Variants in EPB41L1 observed in about 807,000 individuals in gnomAD.
EPB41L1 encodes erythrocyte membrane protein band 4.1 like 1, also known as band 4.1-like protein 1.
A neutral mutation model predicts 97.8 loss-of-function variants in EPB41L1; 29 were observed. The ratio of observed to expected loss-of-function variants is 0.30; its 90% CI spans 0.22 to 0.40. EPB41L1 has a LOEUF of 0.40. Among genes scored for constraint, EPB41L1 ranks in the 10% least tolerant of loss-of-function variants. The probability of loss-of-function intolerance (pLI) is 1.00; values close to 1 mark genes in which losing one functional copy is unlikely to be tolerated. For synonymous variants in EPB41L1, 383 were observed against 459.2 expected (o/e 0.83, Z 2.12); for missense variants, 812 against 1,162.3 (o/e 0.70, Z 4.38).
chr20:36,180,125 C>T (rs1038670987), intron 5 of EPB41L1, among the ~76,000 whole-genome samples: 13 of 152,200 alleles, frequency 8.5e-5, no homozygotes, highest in African/African-American at 2.9e-4. Flanking sequence ...TGTAGCCATC[C>T]CAAGTCATCG....
At chr20:36,222,502 C>T (rs2147105543) in intron 21 of EPB41L1, 108 bp downstream of exon 21, 1 of 847,722 alleles carries the variant, frequency 1.2e-6, no homozygotes, top group South Asian at 1.4e-5. Flanking sequence ...CCTAGTGCAG[C>T]TTTGACCCTC....
chr20:36,148,752 G>A (rs2059932033), intron 2 of EPB41L1: 1 of 152,354 alleles, frequency 6.6e-6, no homozygotes, highest in South Asian at 2.1e-4. Flanking sequence ...ATGTACAGGG[G>A]GCTTGGCTGT....
At chr20:36,139,028 T>A (rs1367002075) in intron 2 of EPB41L1, among the ~76,000 whole-genome samples, 1 of 152,258 alleles carries the variant, frequency 6.6e-6, no homozygotes, top group East Asian at 1.9e-4. Context: ...ATCATGGTCC[T>A]CTGGATTTAT....
chr20:36,232,595 T>C lies in EPB41L1; in HGVS notation c.*3255T>C. On this transcript the variant is annotated 3_prime_UTR_variant, in exon 22 of 22. Coordinates refer to ENST00000338074, the MANE Select transcript of EPB41L1 (RefSeq NM_012156.2). ...ATTCCAAGACTGGCCTGAAACTGCA[T>C]GAGCAACATCACTCGAAATAATTTT... The C allele has an allele frequency of 2.5e-6, 1 of 399,078 alleles. No individual in the cohort carries two copies. Among genetic ancestry groups the C allele is most frequent in the Non-Finnish European group, 4.4e-6 (1 of 226,092 alleles). 24.7% of individuals were successfully genotyped at this position (399,078 alleles called of 1,614,324 possible). A position where few individuals can be genotyped will look rare whatever the true frequency, so the allele number is the denominator to read the frequency against.
chr20:36,144,627 G>A (rs541316786), intron 2 of EPB41L1, among the ~76,000 whole-genome samples: 4 of 152,258 alleles, frequency 2.6e-5, no homozygotes, highest in East Asian at 1.9e-4. Flanking sequence ...ACTGACCCTC[G>A]GGTCCTGGAG....
intron 2 of EPB41L1, among the ~76,000 whole-genome samples, chr20:36,123,202 G>T (rs961495172): frequency 3.3e-5 from 5 of 152,046 alleles, no homozygotes. Flanking sequence ...TAGAGAACAA[G>T]AATACAGAGG....
At chr20:36,127,785 C>T (rs1402201052) in intron 2 of EPB41L1, among the ~76,000 whole-genome samples, 1 of 148,976 alleles carries the variant, frequency 6.7e-6, no homozygotes, top group Non-Finnish European at 1.5e-5. Context: ...CCTCCTCGTG[C>T]CTCTTGTGTG....
chr20:36,190,453 G>A lies in EPB41L1; in HGVS notation c.1124+79G>A. ...GAGGGGAGCAGGGGGAGGAGTTAGT[G>A]AGAACTCTAGGAAAGTCCTCCACCC... is the stretch of plus-strand genomic sequence containing the variant. On this transcript the variant is annotated intron_variant, in intron 10 of 21. Transcript: ENST00000338074. The surrounding 1 kb of genome is among the most constrained non-coding windows in gnomAD (Gnocchi z 5.8). 1 of 1,546,024 alleles carries A rather than the reference G, an allele frequency of 6.5e-7. No homozygotes were observed. The highest frequency in any genetic ancestry group is 8.9e-7 in the Non-Finnish European group (1 of 1,128,974).
chr20:36,209,369 C>A lies in EPB41L1; in HGVS notation c.1669-119C>A. Reference sequence around the variant, plus strand: ...GGTGTTTTTCATTTCCTGGCCTGCTCTTCCATTCAGGATGTCGACACAGCC... The same window carrying A: ...GGTGTTTTTCATTTCCTGGCCTGCTATTCCATTCAGGATGTCGACACAGCC... On this transcript the variant is annotated intron_variant, in intron 14 of 21. Coordinates refer to ENST00000338074, the MANE Select transcript of EPB41L1 (RefSeq NM_012156.2). This position sits in a 1 kb window ranked among gnomAD's most constrained non-coding sequence, Gnocchi z 4.2. 8.7e-7 allele frequency: 1 copy of A among 1,143,050 alleles called. No individual in the cohort carries two copies. Among genetic ancestry groups the A allele is most frequent in the Non-Finnish European group, 1.2e-6 (1 of 824,034 alleles). The allele number at this position is 1,143,050 out of a possible 1,614,324, so 70.8% of individuals were successfully genotyped here.
chr20:36,192,719 T>C (rs1410770271), intron 11 of EPB41L1, among the ~76,000 whole-genome samples: 3 of 152,146 alleles, frequency 2.0e-5, no homozygotes, highest in Non-Finnish European at 4.4e-5. Flanking sequence ...GGTTTGGTCC[T>C]TTCCTTTGAG....
At chr20:36,096,389 G>A (rs1164639665) in intron 1 of EPB41L1, among the ~76,000 whole-genome samples, 3 of 152,170 alleles carry the variant, frequency 2.0e-5, no homozygotes, top group Non-Finnish European at 4.4e-5. Flanking sequence ...GGGTTTCCCT[G>A]ATCTGCTCAG....
At chr20:36,163,256 T>C (rs1347785382) in intron 1 of EPB41L1, among the ~76,000 whole-genome samples, 1 of 152,144 alleles carries the variant, frequency 6.6e-6, no homozygotes, top group Non-Finnish European at 1.5e-5. Context: ...GGGAAGGCTA[T>C]TGTTAACATT....
chr20:36,125,958 T>G (rs2058947917), intron 2 of EPB41L1, among the ~76,000 whole-genome samples: 2 of 149,954 alleles, frequency 1.3e-5, no homozygotes. Context: ...CGATGGGTCT[T>G]GGGGAAGGGA....
rs17093449 is a variant in EPB41L1, at chr20:36,229,623, T to C, written c.*283T>C. The C allele has an allele frequency of 0.056, 19,001 of 342,154 alleles. 1,352 individuals carry two copies. Among genetic ancestry groups the C allele is most frequent in the African/African-American group, 0.22 (10,170 of 46,930 alleles). 21.2% of individuals were successfully genotyped at this position (342,154 alleles called of 1,614,324 possible). ...CACCTACATTTCCTTTGCAGACAAA[T>C]TGAAGAACTGGTGGGATTTTTTTCA... On this transcript the variant is annotated 3_prime_UTR_variant, in exon 22 of 22. Coordinates refer to ENST00000338074, the MANE Select transcript of EPB41L1 (RefSeq NM_012156.2).
chr20:36,222,533 T>C lies in EPB41L1; in HGVS notation c.2637+139T>C, dbSNP rs75806910. On this transcript the variant is annotated intron_variant, in intron 21 of 21. Coordinates refer to ENST00000338074, the MANE Select transcript of EPB41L1 (RefSeq NM_012156.2). ...CCCTCCCCCCATCAGCCTTCCTGAT[T>C]TGCTGCTCAAAGGAGAGAGGCACCT... is the stretch of plus-strand genomic sequence containing the variant. The C allele has an allele frequency of 3.7e-4, 255 of 691,838 alleles. No individual in the cohort carries two copies. In the East Asian group the frequency reaches 6.6e-3, roughly 18 times the overall value. 42.9% of individuals were successfully genotyped at this position (691,838 alleles called of 1,614,324 possible).
At chr20:36,128,217 G>A (rs1417915940) in intron 2 of EPB41L1, among the ~76,000 whole-genome samples, 1 of 152,120 alleles carries the variant, frequency 6.6e-6, no homozygotes, top group African/African-American at 2.4e-5. Flanking sequence ...CACCTCACAG[G>A]GCTTGTTGCC....
chr20:36,091,778 G>A (rs201146139), intron 1 of EPB41L1: 2 of 152,294 alleles, frequency 1.3e-5, no homozygotes, highest in East Asian at 3.9e-4. Flanking sequence ...TGCCCCAGGA[G>A]CCCTAGGGCA....
At chr20:36,096,591 T>C (rs2057839617) in intron 1 of EPB41L1, among the ~76,000 whole-genome samples, 1 of 152,218 alleles carries the variant, frequency 6.6e-6, no homozygotes. Context: ...TAACTCCCAC[T>C]CTTCATGTTT....
chr20:36,108,151 T>C (rs2058262287), intron 1 of EPB41L1, among the ~76,000 whole-genome samples: 1 of 151,802 alleles, frequency 6.6e-6, no homozygotes, highest in African/African-American at 2.4e-5. Flanking sequence ...GCTAAATTTT[T>C]TTATTTTTTG....
Sources: gnomAD v4.1 joint callset for allele counts (sites outside exome capture counted in the v4.1 genomes callset) on GRCh38, gnomAD v4.1.1 for gene constraint, Gnocchi (gnomAD v3.1) non-coding constraint, MANE v1.5 for transcripts, NCBI Gene and HGNC (gene_info 2026-07-23, HGNC 2026-07-21) for gene names.